Variants in XXYLT1 observed in about 807,000 individuals in gnomAD.
The protein encoded by XXYLT1 is UDP-xylose:alpha-xyloside alpha-1,3-xylosyltransferase.
In XXYLT1, 20 loss-of-function variants were observed where a neutral mutation model predicts 28.9. The ratio of observed to expected loss-of-function variants is 0.69; its 90% CI spans 0.49 to 1.00. The LOEUF (loss-of-function observed/expected upper bound fraction) is 1.00. Ranked by LOEUF, XXYLT1 falls within the 50% of genes least tolerant of loss-of-function variation. The pLI, the probability that XXYLT1 is intolerant of heterozygous loss-of-function variation, is 0.00. For missense variants in XXYLT1, 542 were observed against 560.1 expected, an observed-to-expected ratio of 0.97 and a Z score of 0.33; for synonymous variants, 257 against 253.8, an observed-to-expected ratio of 1.01 and a Z score of -0.12.
intron 2 of XXYLT1, among the ~76,000 whole-genome samples, chr3:195,172,244 G>T (rs1721443438): frequency 6.6e-6 from 1 of 152,174 alleles, no homozygotes; most frequent in Non-Finnish European, 1.5e-5. Context: ...CTGCACCAAG[G>T]TTTCCTCCTG....
At chr3:195,233,469 G>A (rs1195632183) in intron 1 of XXYLT1, among the ~76,000 whole-genome samples, 2 of 152,134 alleles carry the variant, frequency 1.3e-5, no homozygotes, top group African/African-American at 4.8e-5. Flanking sequence ...TTTCTCTGGT[G>A]TTATGTTTTA....
At chr3:195,073,646 CA>C (rs1241339538) in intron 3 of XXYLT1, among the ~76,000 whole-genome samples, 3 of 152,136 alleles carry the variant, frequency 2.0e-5, no homozygotes, top group Non-Finnish European at 4.4e-5. Context: ...AACTGGAAAA[CA>C]AGCCCCCACG....
chr3:195,074,710 G>A (rs1345271218), intron 3 of XXYLT1, among the ~76,000 whole-genome samples: 1 of 152,192 alleles, frequency 6.6e-6, no homozygotes, highest in Admixed American at 6.5e-5. Flanking sequence ...GGTCCTACCT[G>A]GAGCTAAGGC....
At chr3:195,139,228 C>T (rs766200541) in intron 3 of XXYLT1, among the ~76,000 whole-genome samples, 18 of 152,142 alleles carry the variant, frequency 1.2e-4, no homozygotes, top group African/African-American at 2.9e-4. Context: ...GCAAAGCTCC[C>T]GGGTAGACAG....
rs895719860 is a variant in XXYLT1, at chr3:195,068,297, T to G, written c.*1418A>C. 6.6e-6 allele frequency: 1 copy of G among 152,118 alleles called. No individual in the cohort carries two copies. The highest frequency in any genetic ancestry group is 1.5e-5 in the Non-Finnish European group (1 of 68,030). 9.4% of individuals were successfully genotyped at this position (152,118 alleles called of 1,614,324 possible). ...TGAATCACCATGTTCTCAAAGATGA[T>G]TTATTGGCTATCCTCACTCATGGGA... On this transcript the variant is annotated 3_prime_UTR_variant, in exon 4 of 4. Coordinates refer to ENST00000310380, the MANE Select transcript of XXYLT1 (RefSeq NM_152531.5).
At chr3:195,134,826 GGTGTGTGTGTGTGTGT>G (rs3073321) in intron 3 of XXYLT1, among the ~76,000 whole-genome samples, 15 of 145,582 alleles carry the variant, frequency 1.0e-4, no homozygotes, top group South Asian at 2.2e-4. Context: ...CGTGAAGAGG[GGTGTGTGTGTGTGTGT>G]GTGTGTGTGT....
At chr3:195,268,840 G>A (rs747915038) in intron 1 of XXYLT1, among the ~76,000 whole-genome samples, 11 of 152,164 alleles carry the variant, frequency 7.2e-5, no homozygotes, top group South Asian at 4.1e-4. Context: ...GGAGGGGCTC[G>A]GCCCTGAGGC....
At chr3:195,219,179 G>A (rs576152254) in intron 2 of XXYLT1, among the ~76,000 whole-genome samples, 4 of 147,978 alleles carry the variant, frequency 2.7e-5, no homozygotes, top group East Asian at 2.0e-4. Flanking sequence ...GTGGTGGGAG[G>A]GGGGAGGGAT....
At chr3:195,264,523 C>A (rs992469353) in intron 1 of XXYLT1, among the ~76,000 whole-genome samples, 1 of 144,154 alleles carries the variant, frequency 6.9e-6, no homozygotes, top group African/African-American at 2.4e-5. Flanking sequence ...GACAACCACA[C>A]ACTTGCTATC....
chr3:195,260,367 C>G (rs1286857893), intron 1 of XXYLT1, among the ~76,000 whole-genome samples: 1 of 152,132 alleles, frequency 6.6e-6, no homozygotes, highest in Non-Finnish European at 1.5e-5. Flanking sequence ...AGCCGCGGAG[C>G]CCGCAGCGCA....
chr3:195,074,862 C>T (rs1021865118), intron 3 of XXYLT1, among the ~76,000 whole-genome samples: 3 of 152,210 alleles, frequency 2.0e-5, no homozygotes, highest in Admixed American at 6.5e-5. Context: ...TAGAGCAGTC[C>T]TTACTGCCAG....
rs936785082 is a variant in XXYLT1 at position 195,133,978 on chromosome 3, G to A, written c.785+22471C>T. Among the ~76,000 whole-genome samples the A allele has an allele frequency of 1.3e-5, 2 of 152,182 alleles. No individual in the cohort carries two copies. Among genetic ancestry groups the A allele is most frequent in the Non-Finnish European group, 2.9e-5 (2 of 68,036 alleles). Reference sequence around the variant, plus strand: ...TGTAATCCTGGCACTTTGGGAGGCTGAGGCAGGAGGGTCGCCTGAGCCCAG... The same window carrying A: ...TGTAATCCTGGCACTTTGGGAGGCTAAGGCAGGAGGGTCGCCTGAGCCCAG... On this transcript the variant is annotated intron_variant, in intron 3 of 3. Coordinates refer to ENST00000310380, the MANE Select transcript of XXYLT1 (RefSeq NM_152531.5). The surrounding 1 kb of genome is among the most constrained non-coding windows in gnomAD (Gnocchi z 4.4).
chr3:195,207,230 T>C (rs1481834913), intron 2 of XXYLT1, among the ~76,000 whole-genome samples: 1 of 152,076 alleles, frequency 6.6e-6, no homozygotes, highest in African/African-American at 2.4e-5. Flanking sequence ...CAGCATATGG[T>C]GTGCAAAGCA....
intron 2 of XXYLT1, among the ~76,000 whole-genome samples, chr3:195,200,642 G>A (rs947628839): frequency 6.6e-6 from 1 of 152,150 alleles, no homozygotes; most frequent in African/African-American, 2.4e-5. Flanking sequence ...GCCTGTGCAG[G>A]GCAGGAATCT....
chr3:195,247,292 G>C (rs1306698957), intron 1 of XXYLT1, among the ~76,000 whole-genome samples: 1 of 152,180 alleles, frequency 6.6e-6, no homozygotes, highest in Admixed American at 6.5e-5. Context: ...TCACCAAGCC[G>C]AGCGGTGGGA....
chr3:195,125,412 G>T (rs1415485917), intron 3 of XXYLT1, among the ~76,000 whole-genome samples: 5 of 152,224 alleles, frequency 3.3e-5, no homozygotes, highest in Admixed American at 6.5e-5. Context: ...GCTCTCCTTA[G>T]GTAGGGCCAT....
At chr3:195,102,106 AAG>A (rs1473931463) in intron 3 of XXYLT1, among the ~76,000 whole-genome samples, 2 of 151,572 alleles carry the variant, frequency 1.3e-5, no homozygotes, top group Non-Finnish European at 2.9e-5. Context: ...GAGGGGGAAA[AAG>A]AGAATTGTCT....
At chr3:195,143,739 T>A (rs1320935304) in intron 3 of XXYLT1, among the ~76,000 whole-genome samples, 1 of 147,332 alleles carries the variant, frequency 6.8e-6, no homozygotes, top group Non-Finnish European at 1.5e-5. Context: ...TTACATTTAC[T>A]AGATGATCAC....
At chr3:195,251,858 C>T (rs1374587794) in intron 1 of XXYLT1, among the ~76,000 whole-genome samples, 1 of 152,154 alleles carries the variant, frequency 6.6e-6, no homozygotes, top group African/African-American at 2.4e-5. Flanking sequence ...ATGCACACAC[C>T]CCAGGACCCA....
Sources: allele counts gnomAD v4.1 joint callset (sites outside exome capture counted in the v4.1 genomes callset), GRCh38; gene constraint gnomAD v4.1.1; non-coding constraint Gnocchi (gnomAD v3.1); transcripts MANE v1.5; gene names NCBI Gene and HGNC (gene_info 2026-07-23, HGNC 2026-07-21).